CSMD1: variants seen among roughly 807,000 people sequenced by gnomAD.
CSMD1 encodes CUB and Sushi multiple domains 1, also known as CUB and sushi domain-containing protein 1.
CSMD1 carries 213 observed loss-of-function variants against 417.5 expected under a neutral mutation model. That is an observed-to-expected ratio of 0.51 (90% CI 0.46 to 0.57). CSMD1 has a LOEUF of 0.57. Among genes scored for constraint, CSMD1 ranks in the 20% least tolerant of loss-of-function variants. The pLI is 0.00. For missense variants in CSMD1, 6,923 were observed against 4,529.7 expected (o/e 1.53, Z -15.17); for synonymous variants, 2,862 against 1,736.8 (o/e 1.65, Z -16.11).
chr8:3,039,389 T>C (rs1810925563), intron 50 of CSMD1, among the ~76,000 whole-genome samples: 1 of 143,218 alleles, frequency 7.0e-6, no homozygotes, highest in African/African-American at 2.8e-5. Flanking sequence ...CCTTCCTTCC[T>C]TCCCCCTTCC....
chr8:4,790,487 A>T (rs1407467251), intron 1 of CSMD1, among the ~76,000 whole-genome samples: 1 of 152,190 alleles, frequency 6.6e-6, no homozygotes, highest in Non-Finnish European at 1.5e-5. Context: ...ACTCTTCTAA[A>T]ATTTATTTGG....
rs377250347 is a variant in CSMD1, at chr8:3,683,976, G to A, written c.1009+24438C>T. Among the ~76,000 whole-genome samples, 28 of 151,720 alleles carry A rather than the reference G, an allele frequency of 1.8e-4. No homozygotes were observed. In the South Asian group the frequency reaches 5.6e-3, roughly 30 times the overall value. Reference sequence around the variant, plus strand: ...CACACCTTTTGCTTCATGTGATTGAGAAGTATGAAGTAACTCATTAGAACA... The same window carrying A: ...CACACCTTTTGCTTCATGTGATTGAAAAGTATGAAGTAACTCATTAGAACA... On this transcript the variant is annotated intron_variant, in intron 7 of 69. Transcript: ENST00000635120.
At position 4,994,656 on chromosome 8, in the gene CSMD1, C is replaced by G. The variant is rs1038265435; in HGVS notation, c.-240G>C. On this transcript the variant is annotated 5_prime_UTR_variant, in exon 1 of 70. Coordinates refer to ENST00000635120, the MANE Select transcript of CSMD1 (RefSeq NM_033225.6). ...CTCCGAGCGCGGAGACCCGGGCTGG[C>G]GGGGCCGGGGCCGGGGACGAGCGCC... 1.5e-5 allele frequency: 6 copies of G among 409,184 alleles called. No homozygotes were observed. The Admixed American group carries it at 2.2e-4, about 15-fold the overall frequency. 25.3% of individuals were successfully genotyped at this position (409,184 alleles called of 1,614,324 possible). A position where few individuals can be genotyped will look rare whatever the true frequency, so the allele number is the denominator to read the frequency against.
Position 3,348,066 on chromosome 8 carries a change from T to A in CSMD1, c.3400A>T (p.Ile1134Leu). The A allele has an allele frequency of 6.2e-7, 1 of 1,612,702 alleles. No homozygotes were observed. Among genetic ancestry groups the A allele is most frequent in the Non-Finnish European group, 8.5e-7 (1 of 1,179,214 alleles). The change falls in exon 22 of 70, where the codon ATA becomes TTA. Residue 1134 changes from isoleucine to leucine, a missense_variant. By Grantham distance (5) the Ile-to-Leu change is conservative. Transcript: ENST00000635120. ...ATGCCCTTGCCGGCTTCTGTTTCTA[T>A]TTTATAGATACACTCATGGTTATTA... ...YDNNHECIYK[I>L]ETEAGKGIHL...
At chr8:4,469,587 G>A (rs999721249) in intron 2 of CSMD1, among the ~76,000 whole-genome samples, 13 of 152,218 alleles carry the variant, frequency 8.5e-5, no homozygotes, top group African/African-American at 3.1e-4. Flanking sequence ...CAAACACCTT[G>A]GAGTGGTCTT....
chr8:4,155,387 C>T (rs1796780068), intron 3 of CSMD1, among the ~76,000 whole-genome samples: 1 of 152,190 alleles, frequency 6.6e-6, no homozygotes, highest in Non-Finnish European at 1.5e-5. Flanking sequence ...TGCTGTAGAT[C>T]ACATTCCTTT....
chr8:3,552,226 G>C (rs1409825484), intron 10 of CSMD1, among the ~76,000 whole-genome samples: 4 of 152,044 alleles, frequency 2.6e-5, no homozygotes, highest in Admixed American at 6.5e-5. Flanking sequence ...TTAGAAAAAA[G>C]GGCTGAGGAA....
intron 41 of CSMD1, chr8:3,128,618 A>G (rs1817634281): frequency 6.8e-6 from 2 of 295,912 alleles, no homozygotes; most frequent in Non-Finnish European, 1.3e-5. Flanking sequence ...TCAATTTATC[A>G]ATTTTATAAA....
rs897490067 is a variant in CSMD1 at position 4,784,348 on chromosome 8, C to G, written c.86-146790G>C. On this transcript the variant is annotated intron_variant, in intron 1 of 69. Transcript: ENST00000635120. ...TGTAGCATTCTGTCTAGGAAAATTC[C>G]CCCTGCAGGGTCATTTAATGAACTG... is the stretch of plus-strand genomic sequence containing the variant. 2.6e-5 allele frequency among the ~76,000 whole-genome samples: 4 copies of G among 152,148 alleles called. No individual in the cohort carries two copies. In the South Asian group the frequency reaches 8.3e-4, roughly 32 times the overall value.
chr8:4,419,049 A>G (rs1797104405), intron 3 of CSMD1, among the ~76,000 whole-genome samples: 1 of 152,172 alleles, frequency 6.6e-6, no homozygotes, highest in South Asian at 2.1e-4. Context: ...TTAACTTCCC[A>G]CAAAATACGA....
intron 1 of CSMD1, among the ~76,000 whole-genome samples, chr8:4,944,538 A>G (rs997929654): frequency 6.6e-6 from 1 of 152,202 alleles, no homozygotes; most frequent in Admixed American, 6.5e-5. Flanking sequence ...AGAGGCAGTT[A>G]CTAAAAGGAG....
intron 5 of CSMD1, among the ~76,000 whole-genome samples, chr8:3,939,290 C>T (rs771466369): frequency 6.6e-6 from 1 of 151,908 alleles, no homozygotes; most frequent in Non-Finnish European, 1.5e-5. Context: ...CAGAGAAATG[C>T]AAATTAAAAC....
chr8:4,111,317 A>C (rs1801842884), intron 3 of CSMD1, among the ~76,000 whole-genome samples: 1 of 152,210 alleles, frequency 6.6e-6, no homozygotes, highest in Non-Finnish European at 1.5e-5. Flanking sequence ...TGGCTGAAGA[A>C]AGAATCTGCT....
intron 3 of CSMD1, among the ~76,000 whole-genome samples, chr8:4,189,973 G>C (rs920500590): frequency 2.0e-5 from 3 of 151,748 alleles, no homozygotes; most frequent in African/African-American, 4.8e-5. Context: ...TAAAAGCAGA[G>C]ACTCGCCAGG....
chr8:4,751,584 T>C (rs1811330273), intron 1 of CSMD1, among the ~76,000 whole-genome samples: 1 of 152,112 alleles, frequency 6.6e-6, no homozygotes. Context: ...CACCTACAGA[T>C]AAAAAACAGA....
chr8:3,344,361 G>A (rs1208341525), intron 22 of CSMD1, among the ~76,000 whole-genome samples: 1 of 152,198 alleles, frequency 6.6e-6, no homozygotes, highest in African/African-American at 2.4e-5. Context: ...TTAAAACCTA[G>A]ATGATGGGTT....
intron 10 of CSMD1, among the ~76,000 whole-genome samples, chr8:3,523,836 CAG>C (rs60195603): frequency 0.14 from 21,353 of 150,278 alleles, 1,648 homozygotes; most frequent in Admixed American, 0.23. Context: ...CATGCACACC[CAG>C]AGACACATGT....
intron 5 of CSMD1, among the ~76,000 whole-genome samples, chr8:3,812,467 G>A (rs773886285): frequency 3.9e-5 from 6 of 152,126 alleles, no homozygotes; most frequent in South Asian, 2.1e-4. Context: ...AATAAGACAC[G>A]ATCCCCTTGA....
intron 2 of CSMD1, among the ~76,000 whole-genome samples, chr8:4,458,362 GAAATT>G (rs748934760): frequency 6.6e-6 from 1 of 151,968 alleles, no homozygotes; most frequent in Non-Finnish European, 1.5e-5. Flanking sequence ...TCATAATAAT[GAAATT>G]AATTTATAAA....
Sources: gnomAD v4.1 joint callset for allele counts (sites outside exome capture counted in the v4.1 genomes callset) on GRCh38, gnomAD v4.1.1 for gene constraint, MANE v1.5 for transcripts, NCBI Gene and HGNC (gene_info 2026-07-23, HGNC 2026-07-21) for gene names.